The following TAS2R1 variants were observed in gnomAD, a reference collection of about 807,000 sequenced individuals.
The protein encoded by TAS2R1 is taste 2 receptor member 1, also known as taste receptor type 2 member 1.
For synonymous variants in TAS2R1, 141 were observed against 134.2 expected (o/e 1.05, Z -0.35); for missense variants, 370 against 353.4 (o/e 1.05, Z -0.38).
the TAS2R1 span, among the ~76,000 whole-genome samples, chr5:9,808,659 AAC>A: frequency 3.3e-5 from 5 of 152,218 alleles, no homozygotes; most frequent in Non-Finnish European, 5.9e-5. Flanking sequence ...TATGAAAAGA[AAC>A]AGAGAAAATG....
chr5:9,741,049 AGGAATTAG>A, the TAS2R1 span, among the ~76,000 whole-genome samples: 1 of 152,196 alleles, frequency 6.6e-6, no homozygotes, highest in Non-Finnish European at 1.5e-5. Flanking sequence ...AATACTGAAC[AGGAATTAG>A]GTATTTCTCT....
At chr5:9,806,085 C>T in the TAS2R1 span, among the ~76,000 whole-genome samples, 1 of 152,024 alleles carries the variant, frequency 6.6e-6, no homozygotes, top group Admixed American at 6.6e-5. Context: ...AAATCAGTAG[C>T]TCTGCTATAT....
the TAS2R1 span, among the ~76,000 whole-genome samples, chr5:9,722,463 T>C: frequency 6.6e-6 from 1 of 152,234 alleles, no homozygotes; most frequent in African/African-American, 2.4e-5. Context: ...ATTTGCTGGT[T>C]TCTGGAGAAA....
At chr5:9,774,347 T>C in the TAS2R1 span, among the ~76,000 whole-genome samples, 33 of 152,370 alleles carry the variant, frequency 2.2e-4, 1 homozygote, top group East Asian at 5.8e-3. Flanking sequence ...TTGAGTTCCA[T>C]TGAGTTTCCT....
intron 2 of TAS2R1, among the ~76,000 whole-genome samples, chr5:9,647,238 A>G (rs1740207571): frequency 6.6e-6 from 1 of 152,210 alleles, no homozygotes; most frequent in Non-Finnish European, 1.5e-5. Flanking sequence ...ATCCCAACAA[A>G]GATGCATAAG....
At chr5:9,735,585 G>A in the TAS2R1 span, among the ~76,000 whole-genome samples, 1 of 151,982 alleles carries the variant, frequency 6.6e-6, no homozygotes. Context: ...GTTTATAGAA[G>A]AGAAACTAAG....
At chr5:9,699,839 A>G (rs1741440553) in intron 1 of TAS2R1, among the ~76,000 whole-genome samples, 1 of 152,200 alleles carries the variant, frequency 6.6e-6, no homozygotes, top group African/African-American at 2.4e-5. Context: ...GCCCTGTAGC[A>G]TCTTTGAAGT....
At chr5:9,878,468 A>G in the TAS2R1 span, among the ~76,000 whole-genome samples, 1 of 152,222 alleles carries the variant, frequency 6.6e-6, no homozygotes, top group Non-Finnish European at 1.5e-5. Flanking sequence ...CATCCAGCAA[A>G]TAGAATCTGA....
the TAS2R1 span, among the ~76,000 whole-genome samples, chr5:9,804,883 T>C: frequency 6.6e-6 from 1 of 151,522 alleles, no homozygotes; most frequent in Non-Finnish European, 1.5e-5. Flanking sequence ...AGAAAAGAAA[T>C]AATCAAGATC....
At chr5:9,735,319 C>G in the TAS2R1 span, among the ~76,000 whole-genome samples, 4 of 151,294 alleles carry the variant, frequency 2.6e-5, no homozygotes, top group Non-Finnish European at 4.4e-5. Flanking sequence ...CAAAATAATG[C>G]TTGTTTGAGA....
At chr5:9,824,853 A>AC in the TAS2R1 span, among the ~76,000 whole-genome samples, 4 of 151,498 alleles carry the variant, frequency 2.6e-5, no homozygotes, top group Non-Finnish European at 4.4e-5. Context: ...TGAAAAAAAA[A>AC]AAAAAGGCAG....
At chr5:9,855,809 A>G in the TAS2R1 span, among the ~76,000 whole-genome samples, 1 of 152,194 alleles carries the variant, frequency 6.6e-6, no homozygotes, top group Non-Finnish European at 1.5e-5. Context: ...ATTTACCACA[A>G]TGCCTTCAGG....
At chr5:9,735,420 G>C in the TAS2R1 span, among the ~76,000 whole-genome samples, 2,444 of 151,528 alleles carry the variant, frequency 0.016, 142 homozygotes, top group East Asian at 0.075. Context: ...GATAAAATAA[G>C]ATTAATATTT....
At chr5:9,829,825 G>A in the TAS2R1 span, among the ~76,000 whole-genome samples, 1 of 151,834 alleles carries the variant, frequency 6.6e-6, no homozygotes, top group African/African-American at 2.4e-5. Context: ...AAAACCACAG[G>A]CAGTGTACCC....
chr5:9,683,795 C>A (rs1376965809), intron 1 of TAS2R1, among the ~76,000 whole-genome samples: 1 of 152,196 alleles, frequency 6.6e-6, no homozygotes, highest in African/African-American at 2.4e-5. Context: ...TCTCCTTCCC[C>A]CAACCCCAAC....
the TAS2R1 span, among the ~76,000 whole-genome samples, chr5:9,738,845 G>T: frequency 6.6e-6 from 1 of 151,698 alleles, no homozygotes. Context: ...ATCCCACTAG[G>T]CCTCTCTCTT....
intron 1 of TAS2R1, among the ~76,000 whole-genome samples, chr5:9,707,330 G>A (rs1050724673): frequency 1.3e-5 from 2 of 152,136 alleles, no homozygotes; most frequent in African/African-American, 4.8e-5. Context: ...ACCCTCAGGA[G>A]GGAACAAAGG....
the TAS2R1 span, among the ~76,000 whole-genome samples, chr5:9,749,585 A>G: frequency 1.6e-4 from 25 of 152,346 alleles, no homozygotes; most frequent in Middle Eastern, 3.4e-3. Context: ...CTATGCATTA[A>G]TAAACTTAGT....
At chr5:9,818,064 C>A in the TAS2R1 span, among the ~76,000 whole-genome samples, 9 of 152,148 alleles carry the variant, frequency 5.9e-5, no homozygotes, top group African/African-American at 1.4e-4. Context: ...GACACAGAAC[C>A]AAACCATATC....
Sources: gnomAD v4.1 joint callset for allele counts (sites outside exome capture counted in the v4.1 genomes callset) on GRCh38, gnomAD v4.1.1 for gene constraint, MANE v1.5 for transcripts, NCBI Gene and HGNC (gene_info 2026-07-23, HGNC 2026-07-21) for gene names.